DTL: variants seen among roughly 807,000 people sequenced by gnomAD.
The protein encoded by DTL is denticleless E3 ubiquitin protein ligase adapter, also known as denticleless protein homolog.
Under a neutral mutation model 87.0 loss-of-function variants are expected in DTL, and 46 were observed. The observed-to-expected ratio is 0.53, with a 90% CI of 0.42 to 0.68. The LOEUF (loss-of-function observed/expected upper bound fraction) is 0.68, where lower values mean the gene tolerates loss of function less well. Ranked by LOEUF, DTL falls within the 30% of genes least tolerant of loss-of-function variation. The probability of loss-of-function intolerance (pLI) is 0.00; values close to 1 mark genes in which losing one functional copy is unlikely to be tolerated. For synonymous variants in DTL, 308 were observed against 311.2 expected (o/e 0.99, Z 0.11); for missense variants, 737 against 869.4 (o/e 0.85, Z 1.91).
chr1:212,061,688 A>T (rs1654320963), intron 5 of DTL, among the ~76,000 whole-genome samples: 1 of 152,244 alleles, frequency 6.6e-6, no homozygotes, highest in African/African-American at 2.4e-5. Context: ...TAGTATATAC[A>T]CAATTGAATA....
chr1:212,097,327 G>A (rs534206248), intron 13 of DTL, among the ~76,000 whole-genome samples: 7 of 152,070 alleles, frequency 4.6e-5, no homozygotes, highest in Non-Finnish European at 8.8e-5. Context: ...GTGTGTCTAG[G>A]TGATGATCTT....
At chr1:212,066,745 C>T in intron 7 of DTL, 67 bp from the exon 8 acceptor site, 3 of 1,498,182 alleles carry the variant, frequency 2.0e-6, no homozygotes, top group Non-Finnish European at 2.8e-6. Context: ...TTTTTAGCAC[C>T]TTGTTCCCTT....
At chr1:212,044,602 GA>G (rs373465088) in intron 2 of DTL, 57 bp from the exon 3 acceptor site, 90,640 of 866,026 alleles carry the variant, frequency 0.1, 9 homozygotes, top group East Asian at 0.12. Flanking sequence ...GACTCCGTCT[GA>G]AAAAAAAAAA....
chr1:212,050,720 G>GAA (rs147287145), intron 5 of DTL, among the ~76,000 whole-genome samples: 12 of 59,714 alleles, frequency 2.0e-4, no homozygotes, highest in Non-Finnish European at 3.0e-4. Flanking sequence ...TTCTCCTTAG[G>GAA]AGAAGATATT....
rs539801772 is a variant in DTL at position 212,069,525 on chromosome 1, G to T, written c.922+822G>T. On this transcript the variant is annotated intron_variant, in intron 10 of 14. Transcript: ENST00000366991. ...CAGAACTTGTTTTATTTTATTTATAGATAGATGTAGATATAGATATAAATT... is the reference window on the plus strand; with the variant it reads ...CAGAACTTGTTTTATTTTATTTATATATAGATGTAGATATAGATATAAATT... Among the ~76,000 whole-genome samples the T allele has an allele frequency of 2.0e-5, 3 of 151,680 alleles. No homozygotes were observed. The South Asian group carries it at 6.3e-4, about 32-fold the overall frequency.
chr1:212,050,645 A>G (rs1224003419), intron 5 of DTL, among the ~76,000 whole-genome samples: 1 of 152,146 alleles, frequency 6.6e-6, no homozygotes. Flanking sequence ...CCTTCCCAAG[A>G]CCTTCCACCA....
intron 1 of DTL, 145 bp downstream of exon 1, chr1:212,036,087 C>T: frequency 1.4e-6 from 1 of 725,066 alleles, no homozygotes; most frequent in Non-Finnish European, 2.3e-6. Flanking sequence ...TTAGCAGGGA[C>T]TACTAAAGAA....
intron 13 of DTL, among the ~76,000 whole-genome samples, chr1:212,098,203 G>C (rs1311435169): frequency 6.7e-6 from 1 of 150,262 alleles, no homozygotes; most frequent in Non-Finnish European, 1.5e-5. Context: ...TTGAATGCTA[G>C]TTATACTAGC....
rs745453258 is a variant in DTL, at chr1:212,100,651, G to A, written c.1661G>A (p.Arg554Lys). 6.2e-7 allele frequency: 1 copy of A among 1,614,054 alleles called. No individual in the cohort carries two copies. ...GAGTCTAGAAATAGAGTAAAGAGGA[G>A]GCTAGACTCAAGCTGTCTGGAGAGT... ...CSESRNRVKR[R>K]LDSSCLESVK... The change falls in exon 14 of 15, where the codon AGG (arginine) becomes AAG (lysine). Residue 554 changes from arginine to lysine, a missense_variant. Transcript: ENST00000366991.
rs879847011 is a variant in DTL, at chr1:212,063,296, A to AT, written c.526+361dup. Among the ~76,000 whole-genome samples, 1,024 of 142,802 alleles carry AT rather than the reference A, an allele frequency of 7.2e-3. 9 individuals carry two copies. Among genetic ancestry groups the AT allele is most frequent in the African/African-American group, 0.015 (570 of 38,616 alleles). 93.7% of individuals were successfully genotyped at this position (142,802 alleles called of 152,430 possible). On this transcript the variant is annotated intron_variant, in intron 6 of 14. Coordinates refer to ENST00000366991, the MANE Select transcript of DTL (RefSeq NM_016448.4). ...GAATTTTTTTTATTTTATTATTATT[A>AT]TTTTTTTTTTTTTTGAGATGGAGTC...
At chr1:212,078,120 A>C in intron 11 of DTL, 53 bp from the exon 12 acceptor site, 1 of 1,124,682 alleles carries the variant, frequency 8.9e-7, no homozygotes, top group Non-Finnish European at 1.4e-6. Context: ...AAAGGCCTCT[A>C]TCTGGGAAAT....
Position 212,050,674 on chromosome 1 carries a change from C to T in DTL, c.460+3257C>T, listed in dbSNP as rs535153415. Among the ~76,000 whole-genome samples, 13 of 152,218 alleles carry T rather than the reference C, an allele frequency of 8.5e-5. No individual in the cohort carries two copies. The East Asian group carries it at 2.3e-3, about 27-fold the overall frequency. ...TCCACCATCACATGTATCCCCACTA[C>T]CCTGTATCTTCAAGTTCTCCCTCTC... On this transcript the variant is annotated intron_variant, in intron 5 of 14. Coordinates refer to ENST00000366991, the MANE Select transcript of DTL (RefSeq NM_016448.4).
In DTL at chr1:212,043,169, C is replaced by G. The variant is rs917431266; in HGVS notation, c.178+51C>G. 1.9e-6 allele frequency: 3 copies of G among 1,554,270 alleles called. No individual in the cohort carries two copies. In the African/African-American group the frequency reaches 4.1e-5, roughly 21 times the overall value. On this transcript the variant is annotated intron_variant, in intron 2 of 14. Transcript: ENST00000366991. ...GCTTGGACAGAAATGATCTATTTCA[C>G]ACTTATAGGGAAAATATACTAGAGT...
In DTL at chr1:212,042,929, A is replaced by T. The variant is rs551828483; in HGVS notation, c.53-64A>T. 2.4e-5 allele frequency: 36 copies of T among 1,476,514 alleles called. No homozygotes were observed. The African/African-American group carries it at 4.8e-4, about 20-fold the overall frequency. 91.5% of individuals were successfully genotyped at this position (1,476,514 alleles called of 1,614,324 possible). A position where few individuals can be genotyped will look rare whatever the true frequency, so the allele number is the denominator to read the frequency against. On this transcript the variant is annotated intron_variant, in intron 1 of 14. Transcript: ENST00000366991. ...CTTAAGGACAAATATTTACCTCTGA[A>T]TTTGTTAAAAATGCTGAAATGTGAT...
At chr1:212,061,858 G>A (rs77237093) in intron 5 of DTL, among the ~76,000 whole-genome samples, 1 of 152,142 alleles carries the variant, frequency 6.6e-6, no homozygotes, top group Non-Finnish European at 1.5e-5. Context: ...GAAAGTGAGT[G>A]GGTGTGAGGG....
Position 212,065,552 on chromosome 1 carries a change from A to G in DTL, c.639+523A>G, listed in dbSNP as rs1212918704. On this transcript the variant is annotated intron_variant, in intron 7 of 14. Coordinates refer to ENST00000366991, the MANE Select transcript of DTL (RefSeq NM_016448.4). ...CCTAAAAATCTCTCTACACACACAG[A>G]CACAAACACACACACACAAACACAC... is the stretch of plus-strand genomic sequence containing the variant. Among the ~76,000 whole-genome samples the G allele has an allele frequency of 2.0e-5, 3 of 152,116 alleles. No homozygotes were observed. In the East Asian group the frequency reaches 5.8e-4, roughly 29 times the overall value.
intron 10 of DTL, among the ~76,000 whole-genome samples, chr1:212,069,565 A>T (rs1387504359): frequency 8.2e-5 from 12 of 145,668 alleles, no homozygotes; most frequent in South Asian, 6.4e-4. Flanking sequence ...TTTTTTTTTG[A>T]GACGGAGTTT....
rs886963745 is a variant in DTL, at chr1:212,063,215, A to G, written c.526+266A>G. ...TGCCATTTACCCACATTATTGATGG[A>G]CTTAAAAATATTAATACGCAGCCTC... On this transcript the variant is annotated intron_variant, in intron 6 of 14. Coordinates refer to ENST00000366991, the MANE Select transcript of DTL (RefSeq NM_016448.4). 3.9e-5 allele frequency among the ~76,000 whole-genome samples: 6 copies of G among 152,104 alleles called. No homozygotes were observed. The East Asian group carries it at 9.6e-4, about 24-fold the overall frequency.
intron 10 of DTL, among the ~76,000 whole-genome samples, chr1:212,070,010 G>A (rs990769695): frequency 6.6e-6 from 1 of 152,206 alleles, no homozygotes; most frequent in Non-Finnish European, 1.5e-5. Flanking sequence ...GAAAAGGGAA[G>A]AGGTGTTTCT....
Sources: allele counts gnomAD v4.1 joint callset (sites outside exome capture counted in the v4.1 genomes callset), GRCh38; gene constraint gnomAD v4.1.1; transcripts MANE v1.5; gene names NCBI Gene and HGNC (gene_info 2026-07-23, HGNC 2026-07-21).